Variants in PRDM1 observed in about 807,000 individuals in gnomAD.
PRDM1 encodes the protein PR/SET domain 1.
Under a neutral mutation model 62.8 loss-of-function variants are expected in PRDM1, and 13 were observed. The ratio of observed to expected loss-of-function variants is 0.21; its 90% confidence interval spans 0.13 to 0.33. The LOEUF (loss-of-function observed/expected upper bound fraction) is 0.33, where lower values mean the gene tolerates loss of function less well. PRDM1 is among the 10% of genes least tolerant of loss of function. The pLI, the probability that PRDM1 is intolerant of heterozygous loss-of-function variation, is 1.00. For missense variants in PRDM1, 895 were observed against 1,058.8 expected (o/e 0.85, Z 2.15); for synonymous variants, 396 against 417.6 (o/e 0.95, Z 0.63).
chr6:106,099,470 G>C lies in PRDM1; in HGVS notation c.582G>C (p.Gln194His). ...FYTIKPIPAN[Q>H]ELLVWYCRDF... ...CCATTAAGCCCATCCCTGCCAACCA[G>C]GAACTTCTTGTGTGGTATTGTCGGG... is the stretch of plus-strand genomic sequence containing the variant. Residue 194 changes from glutamine (Q) to histidine (H), a missense_variant, in exon 4 of 7, where the codon CAG becomes CAC. Transcript: ENST00000369096. 2.5e-6 allele frequency: 4 copies of C among 1,614,194 alleles called. No homozygotes were observed. Among genetic ancestry groups the C allele is most frequent in the Non-Finnish European group, 3.4e-6 (4 of 1,180,038 alleles).
chr6:106,105,945 GA>G lies in PRDM1; in HGVS notation c.1773+13del, dbSNP rs765996462. On this transcript the variant is annotated intron_variant, in intron 5 of 6. Transcript: ENST00000369096. ...TCTCCAATCTGAAGGTAGGCCTTGAGAGAGAGCAGTCCAAGGGGCTGTGAGT... is the reference window on the plus strand; with the variant it reads ...TCTCCAATCTGAAGGTAGGCCTTGAGGAGAGCAGTCCAAGGGGCTGTGAGT... 6.2e-7 allele frequency: 1 copy of G among 1,608,212 alleles called. No individual in the cohort carries two copies. The highest frequency in any genetic ancestry group is 1.7e-5 in the Admixed American group (1 of 59,606).
chr6:106,087,380 G>A (rs1374382707), intron 1 of PRDM1, among the ~76,000 whole-genome samples: 2 of 152,146 alleles, frequency 1.3e-5, no homozygotes, highest in African/African-American at 4.8e-5. Flanking sequence ...TGTAGCTGAG[G>A]ACTCCTAAAG....
In PRDM1 at chr6:106,053,891, T is replaced by G. The variant is rs1773221670; in HGVS notation, c.-67+5177T>G. Among the ~76,000 whole-genome samples the G allele has an allele frequency of 2.1e-5, 3 of 143,250 alleles. No homozygotes were observed. In the South Asian group the frequency reaches 7.0e-4, roughly 33 times the overall value. The allele number at this position is 143,250 out of a possible 152,430, so 94.0% of individuals were successfully genotyped here. ...AGAAAGTTCATGCCTTAGAGCATCCTTATCCCCTAGTTTACAGAGTGGTGA... is the reference window on the plus strand; with the variant it reads ...AGAAAGTTCATGCCTTAGAGCATCCGTATCCCCTAGTTTACAGAGTGGTGA... On this transcript the variant is annotated intron_variant, in intron 1 of 6. Transcript: ENST00000651185.
chr6:105,997,393 A>C (rs78320273), intron 1 of PRDM1, among the ~76,000 whole-genome samples: 1 of 152,288 alleles, frequency 6.6e-6, no homozygotes, highest in Non-Finnish European at 1.5e-5. Flanking sequence ...TAAAAAAATC[A>C]TTTTTCTCAG....
At chr6:106,032,698 C>T (rs1194669639) in intron 1 of PRDM1, among the ~76,000 whole-genome samples, 1 of 152,178 alleles carries the variant, frequency 6.6e-6, no homozygotes, top group Non-Finnish European at 1.5e-5. Flanking sequence ...GCCTCAGCTT[C>T]CCAAAGTGCT....
At chr6:106,048,216 C>A (rs1194026845), upstream of PRDM1, among the ~76,000 whole-genome samples, 108 of 110,102 alleles carry the variant, frequency 9.8e-4, no homozygotes, top group African/African-American at 1.3e-3. Flanking sequence ...CCATCTCTAC[C>A]AAAAAAAAAA....
chr6:106,012,969 T>C (rs1772575986), intron 1 of PRDM1, among the ~76,000 whole-genome samples: 1 of 152,072 alleles, frequency 6.6e-6, no homozygotes, highest in Non-Finnish European at 1.5e-5. Flanking sequence ...TGGAGTGCAG[T>C]GGCACCCTCT....
At position 106,096,630 on chromosome 6, in the gene PRDM1, C is replaced by T. The variant is rs144785190; in HGVS notation, c.411+896C>T. ...AAGGAAAATGCTTAACAGTCATATG[C>T]AAGATGATAAGCTTTCCTATAGCAT... On this transcript the variant is annotated intron_variant, in intron 3 of 6. Coordinates refer to ENST00000369096, the MANE Select transcript of PRDM1 (RefSeq NM_001198.4). Among the ~76,000 whole-genome samples the T allele has an allele frequency of 3.6e-3, 545 of 152,240 alleles. 2 individuals carry two copies. The highest frequency in any genetic ancestry group is 0.013 in the African/African-American group (537 of 41,548).
At chr6:106,094,495 T>A (rs1562167641) in intron 2 of PRDM1, among the ~76,000 whole-genome samples, 1 of 152,234 alleles carries the variant, frequency 6.6e-6, no homozygotes, top group African/African-American at 2.4e-5. Flanking sequence ...CTGGTATAGT[T>A]AACATGTTTC....
intron 1 of PRDM1, among the ~76,000 whole-genome samples, chr6:106,077,743 A>C (rs920052110): frequency 1.3e-5 from 2 of 152,248 alleles, no homozygotes; most frequent in Non-Finnish European, 2.9e-5. Context: ...GAATGGGGGA[A>C]TATCATCACT....
chr6:106,086,001 T>G (rs1441279173), upstream of PRDM1, among the ~76,000 whole-genome samples: 1 of 152,100 alleles, frequency 6.6e-6, no homozygotes, highest in Non-Finnish European at 1.5e-5. Context: ...AGCTGAGAAA[T>G]CAGAAACTGT....
At chr6:106,043,009 C>G (rs529203045) in intron 1 of PRDM1, among the ~76,000 whole-genome samples, 47 of 152,216 alleles carry the variant, frequency 3.1e-4, no homozygotes, top group Middle Eastern at 3.4e-3. Context: ...TGCCACCACG[C>G]CCGGCTAATT....
chr6:106,092,423 T>C (rs1773990702), intron 2 of PRDM1, among the ~76,000 whole-genome samples: 1 of 152,180 alleles, frequency 6.6e-6, no homozygotes, highest in Admixed American at 6.5e-5. Flanking sequence ...CCTCTTGCTG[T>C]TGAGTTTATA....
intron 1 of PRDM1, among the ~76,000 whole-genome samples, chr6:106,009,970 G>C (rs1325763433): frequency 1.3e-5 from 2 of 152,098 alleles, no homozygotes; most frequent in Admixed American, 1.3e-4. Flanking sequence ...CACCTGCCTG[G>C]GCCTCCCAAA....
intron 1 of PRDM1, among the ~76,000 whole-genome samples, chr6:106,049,065 C>T (rs1773127475): frequency 6.6e-6 from 1 of 152,126 alleles, no homozygotes; most frequent in Admixed American, 6.5e-5. Flanking sequence ...ATCCATCCAC[C>T]TCGGCCTCCC....
At chr6:106,039,110 T>A (rs548889772) in intron 1 of PRDM1, among the ~76,000 whole-genome samples, 136 of 105,804 alleles carry the variant, frequency 1.3e-3, no homozygotes, top group African/African-American at 4.5e-3. Flanking sequence ...AAGTAAGTAA[T>A]CTTCTTTCTT....
At chr6:106,088,043 G>T (rs1773856486) in intron 1 of PRDM1, 158 bp from the exon 2 acceptor site, 11 of 510,752 alleles carry the variant, frequency 2.2e-5, no homozygotes, top group East Asian at 4.1e-5. Flanking sequence ...TTTCAAGGCA[G>T]TTTACTTTAT....
chr6:106,014,670 T>C (rs1772597584), intron 1 of PRDM1, among the ~76,000 whole-genome samples: 1 of 150,216 alleles, frequency 6.7e-6, no homozygotes, highest in South Asian at 2.1e-4. Context: ...TTAAATATAC[T>C]ATAAATTTAT....
chr6:106,031,567 A>T (rs1432592603), intron 1 of PRDM1, among the ~76,000 whole-genome samples: 3 of 152,196 alleles, frequency 2.0e-5, no homozygotes, highest in Non-Finnish European at 4.4e-5. Context: ...CTGAGATTGG[A>T]GGGCAGAAGA....
Sources: gnomAD v4.1 joint callset for allele counts (sites outside exome capture counted in the v4.1 genomes callset) on GRCh38, gnomAD v4.1.1 for gene constraint, MANE v1.5 for transcripts, NCBI Gene and HGNC (gene_info 2026-07-23, HGNC 2026-07-21) for gene names.